Variants in YAE1 observed in about 807,000 individuals in gnomAD.
The protein encoded by YAE1 is YAE1 maturation factor of ABCE1.
In YAE1, 22 loss-of-function variants were observed where a neutral mutation model predicts 23.0. The observed-to-expected ratio is 0.96, with a 90% confidence interval of 0.68 to 1.37. The LOEUF is 1.37. Ranked by LOEUF, YAE1 falls within the 40% of genes most tolerant of loss-of-function variation. The pLI, the probability that YAE1 is intolerant of heterozygous loss-of-function variation, is 0.00. For synonymous variants in YAE1, 101 were observed against 97.0 expected, an observed-to-expected ratio of 1.04 and a Z score of -0.24; for missense variants, 260 against 262.1, an observed-to-expected ratio of 0.99 and a Z score of 0.06.
chr7:39,581,554 C>T (rs996736040), intron 2 of YAE1, among the ~76,000 whole-genome samples: 1 of 152,114 alleles, frequency 6.6e-6, no homozygotes, highest in Non-Finnish European at 1.5e-5. Flanking sequence ...TTAAAAATTA[C>T]ACCATGGAAC....
chr7:39,604,460 GT>G (rs1791100978), intron 2 of YAE1, among the ~76,000 whole-genome samples: 1 of 152,118 alleles, frequency 6.6e-6, no homozygotes, highest in African/African-American at 2.4e-5. Context: ...CAAAATCAGG[GT>G]TTTAGGTATG....
At chr7:39,568,460 C>G (rs995608215) in intron 1 of YAE1, among the ~76,000 whole-genome samples, 3 of 152,006 alleles carry the variant, frequency 2.0e-5, no homozygotes, top group Non-Finnish European at 2.9e-5. Flanking sequence ...TTTTCCACAT[C>G]AGACAAAAAT....
At chr7:39,600,727 G>C (rs1343634043) in intron 2 of YAE1, among the ~76,000 whole-genome samples, 1 of 152,104 alleles carries the variant, frequency 6.6e-6, no homozygotes, top group Non-Finnish European at 1.5e-5. Context: ...GAAATTTGGG[G>C]ACAAACATGC....
At chr7:39,583,516 C>G (rs934099980) in intron 2 of YAE1, among the ~76,000 whole-genome samples, 3 of 152,312 alleles carry the variant, frequency 2.0e-5, no homozygotes, top group Admixed American at 2.0e-4. Context: ...AGTGACTGAT[C>G]TTTAACTTAA....
At chr7:39,600,968 T>C (rs1485393879) in intron 2 of YAE1, among the ~76,000 whole-genome samples, 1 of 152,244 alleles carries the variant, frequency 6.6e-6, no homozygotes, top group South Asian at 2.1e-4. Flanking sequence ...CAGTTTGTGA[T>C]ACTTTGTTAT....
intron 2 of YAE1, among the ~76,000 whole-genome samples, chr7:39,580,097 A>G (rs1790719336): frequency 6.6e-6 from 1 of 152,184 alleles, no homozygotes; most frequent in Non-Finnish European, 1.5e-5. Flanking sequence ...CAAAAAATTT[A>G]CCAGATTTGT....
intron 2 of YAE1, among the ~76,000 whole-genome samples, chr7:39,601,593 C>G (rs1027986961): frequency 9.2e-5 from 14 of 151,994 alleles, no homozygotes; most frequent in African/African-American, 3.4e-4. Context: ...AACCCCATCT[C>G]TACTAAAAAT....
At chr7:39,603,295 C>T (rs561886919) in intron 2 of YAE1, among the ~76,000 whole-genome samples, 35 of 152,280 alleles carry the variant, frequency 2.3e-4, no homozygotes, top group East Asian at 1.7e-3. Flanking sequence ...CCCACCACCA[C>T]GCCGGGCTAA....
At chr7:39,586,558 C>T (rs1297682178) in intron 2 of YAE1, among the ~76,000 whole-genome samples, 12 of 145,726 alleles carry the variant, frequency 8.2e-5, no homozygotes, top group African/African-American at 3.0e-4. Context: ...AGTGCAGTGG[C>T]GCAGTCTCGG....
At chr7:39,569,221 C>T (rs1790526406) in intron 1 of YAE1, among the ~76,000 whole-genome samples, 1 of 152,068 alleles carries the variant, frequency 6.6e-6, no homozygotes, top group Admixed American at 6.5e-5. Flanking sequence ...ACTTACATAC[C>T]TAGTGCTTTT....
At chr7:39,579,828 A>G (rs1790715246) in intron 2 of YAE1, among the ~76,000 whole-genome samples, 1 of 152,162 alleles carries the variant, frequency 6.6e-6, no homozygotes, top group South Asian at 2.1e-4. Flanking sequence ...GGATCACTTG[A>G]GCCCAGGAGT....
chr7:39,577,436 G>A (rs542123141), downstream of YAE1, among the ~76,000 whole-genome samples: 2 of 152,328 alleles, frequency 1.3e-5, no homozygotes, highest in South Asian at 4.1e-4. Flanking sequence ...TCCCAGGGAG[G>A]TGTGGAGTGA....
At position 39,601,716 on chromosome 7, in the gene YAE1, G is replaced by C. The variant is rs548219627; in HGVS notation, c.252-7901G>C. ...AGAGGTTTCAGTGAGCCGAGATGGA[G>C]CCACTGCACTCCAGCCTGGATGACA... On this transcript the variant is annotated intron_variant, in intron 2 of 2. Transcript: ENST00000432096. Among the ~76,000 whole-genome samples the C allele has an allele frequency of 1.9e-4, 28 of 144,930 alleles. No homozygotes were observed. In the South Asian group the frequency reaches 5.9e-3, roughly 30 times the overall value.
At chr7:39,598,138 C>T (rs1380310012) in intron 2 of YAE1, among the ~76,000 whole-genome samples, 1 of 151,782 alleles carries the variant, frequency 6.6e-6, no homozygotes, top group Non-Finnish European at 1.5e-5. Context: ...GTGACAGAGC[C>T]TCACTCTGTC....
chr7:39,579,534 T>C (rs1288048549), intron 2 of YAE1, among the ~76,000 whole-genome samples: 1 of 152,038 alleles, frequency 6.6e-6, no homozygotes, highest in East Asian at 1.9e-4. Flanking sequence ...TCTTGTGTGA[T>C]GGCAGGCACC....
intron 2 of YAE1, among the ~76,000 whole-genome samples, chr7:39,592,406 G>T (rs1037338870): frequency 2.0e-5 from 3 of 152,072 alleles, no homozygotes; most frequent in African/African-American, 7.2e-5. Context: ...GGATATTTTT[G>T]CTATATGTAA....
At chr7:39,574,699 C>T (rs1323007999), downstream of YAE1, among the ~76,000 whole-genome samples, 2 of 147,654 alleles carry the variant, frequency 1.4e-5, no homozygotes, top group African/African-American at 2.5e-5. Flanking sequence ...TGCCACTACT[C>T]TCCAGCCTGG....
intron 2 of YAE1, among the ~76,000 whole-genome samples, chr7:39,604,106 G>A (rs751976165): frequency 3.9e-5 from 6 of 152,224 alleles, no homozygotes; most frequent in Admixed American, 2.0e-4. Flanking sequence ...TTGACATCAA[G>A]GATGCAGATT....
chr7:39,598,093 A>G (rs1791003133), intron 2 of YAE1, among the ~76,000 whole-genome samples: 1 of 151,872 alleles, frequency 6.6e-6, no homozygotes, highest in South Asian at 2.1e-4. Context: ...TACAGGCATG[A>G]GCCACCATGC....
Sources: allele counts gnomAD v4.1 joint callset (sites outside exome capture counted in the v4.1 genomes callset), GRCh38; gene constraint gnomAD v4.1.1; transcripts MANE v1.5; gene names NCBI Gene and HGNC (gene_info 2026-07-23, HGNC 2026-07-21).